AGRN: variants seen among roughly 807,000 people sequenced by gnomAD.
The protein encoded by AGRN is agrin proteoglycan.
In AGRN, 106 loss-of-function variants were observed where a neutral mutation model predicts 211.0. The ratio of observed to expected loss-of-function variants is 0.50; its 90% CI spans 0.43 to 0.59. The LOEUF is 0.59. Ranked by LOEUF, AGRN falls within the 20% of genes least tolerant of loss-of-function variation. The probability of loss-of-function intolerance (pLI) is 0.00; values close to 1 mark genes in which losing one functional copy is unlikely to be tolerated. For missense variants in AGRN, 3,040 were observed against 2,982.6 expected (o/e 1.02, Z -0.45); for synonymous variants, 1,525 against 1,332.5 (o/e 1.14, Z -3.15).
At position 1,020,214 on chromosome 1, in the gene AGRN, G is replaced by A; in HGVS notation, c.42G>A (p.Leu14=). ...RSHPGPLRPL[L]PLLVVAACVL... ...ACCCGGGCCCGCTGCGGCCGCTGCT[G>A]CCGCTCCTTGTGGTGGCCGCGTGCG... Residue 14 remains leucine (L), a synonymous_variant, in exon 1 of 36, where the codon CTG becomes CTA. Coordinates refer to ENST00000379370, the MANE Select transcript of AGRN (RefSeq NM_198576.4). 7.2e-7 allele frequency: 1 copy of A among 1,393,272 alleles called. No homozygotes were observed. Among genetic ancestry groups the A allele is most frequent in the Admixed American group, 3.1e-5 (1 of 32,162 alleles). 86.3% of individuals were successfully genotyped at this position (1,393,272 alleles called of 1,614,324 possible). A position where few individuals can be genotyped will look rare whatever the true frequency, so the allele number is the denominator to read the frequency against.
chr1:1,033,752 C>T (rs1644729678), intron 2 of AGRN, among the ~76,000 whole-genome samples: 2 of 142,292 alleles, frequency 1.4e-5, no homozygotes, highest in East Asian at 2.1e-4. Flanking sequence ...GCCCCAGCCT[C>T]AGCCACCCCA....
At chr1:1,026,554 C>T (rs1159982845) in intron 2 of AGRN, among the ~76,000 whole-genome samples, 11 of 152,276 alleles carry the variant, frequency 7.2e-5, no homozygotes, top group Admixed American at 2.0e-4. Flanking sequence ...AGACGCCCCA[C>T]GCCCAGGGCT....
intron 19 of AGRN, 155 bp downstream of exon 19, chr1:1,047,112 GTC>G (rs773713801): frequency 2.4e-5 from 34 of 1,392,214 alleles, no homozygotes; most frequent in Non-Finnish European, 2.9e-5. Context: ...CGCCTAACCC[GTC>G]TCTCTCGTTG....
In AGRN at chr1:1,047,371, G is replaced by A; in HGVS notation, c.3433G>A (p.Gly1145Ser). The A allele has an allele frequency of 3.1e-6, 5 of 1,610,530 alleles. No individual in the cohort carries two copies. Among genetic ancestry groups the A allele is most frequent in the Non-Finnish European group, 4.2e-6 (5 of 1,178,426 alleles). The change falls in exon 20 of 36, where the codon GGC (glycine) becomes AGC (serine). Residue 1145 changes from glycine (G) to serine (S), a missense_variant. By Grantham distance (56) the Gly-to-Ser change is moderately conservative. Around this residue, in one of 3 missense-constraint regions of AGRN, gnomAD observed 1,537 missense variants for 1,505.0 expected, o/e 1.02. Transcript: ENST00000379370. ...CGTCCTGGAGCTGGAGGGCGTCGAG[G>A]GCCAGGAGCTGTTCTACACGCCCGA... is the stretch of plus-strand genomic sequence containing the variant. ...QGVLELEGVE[G>S]QELFYTPEMA...
At chr1:1,025,587 C>T (rs928654048) in intron 2 of AGRN, among the ~76,000 whole-genome samples, 1 of 152,130 alleles carries the variant, frequency 6.6e-6, no homozygotes, top group Non-Finnish European at 1.5e-5. Flanking sequence ...CTCCTGCCCC[C>T]TCCTGACTCC....
At position 1,051,634 on chromosome 1, in the gene AGRN, A is replaced by C; in HGVS notation, c.5552A>C (p.His1851Pro). Residue 1851 changes from histidine to proline, a missense_variant, in exon 32 of 36, where the codon CAC (histidine) becomes CCC (proline). Physicochemically the swap from His to Pro is moderately conservative, Grantham distance 77. Around this residue, in one of 3 missense-constraint regions of AGRN, gnomAD observed 1,537 missense variants for 1,505.0 expected, o/e 1.02. Transcript: ENST00000379370. The stretch of plus-strand genomic sequence containing the variant: ...TGTCCCGGGGGATTCTCAGGACCGC[A>C]CTGCGAGAAGGGTGAGCCTGGCACA... ...CLCPGGFSGPHCEKGLVEKSA... is the reference protein window; with the variant it reads ...CLCPGGFSGPPCEKGLVEKSA... 2 of 1,611,660 alleles carry C rather than the reference A, an allele frequency of 1.2e-6. No individual in the cohort carries two copies. Among genetic ancestry groups the C allele is most frequent in the Non-Finnish European group, 1.7e-6 (2 of 1,179,118 alleles).
chr1:1,051,639 G>A lies in AGRN; in HGVS notation c.5557G>A (p.Glu1853Lys), dbSNP rs754858398. The A allele has an allele frequency of 3.1e-6, 5 of 1,612,050 alleles. No individual in the cohort carries two copies. The highest frequency in any genetic ancestry group is 1.7e-5 in the Admixed American group (1 of 59,920). ...CPGGFSGPHC[E>K]KGLVEKSAGD... ...CGGGGGATTCTCAGGACCGCACTGC[G>A]AGAAGGGTGAGCCTGGCACAGGGCA... Residue 1853 changes from glutamate (E) to lysine (K), a missense_variant, in exon 32 of 36, where the codon GAG becomes AAG. Coordinates refer to ENST00000379370, the MANE Select transcript of AGRN (RefSeq NM_198576.4).
intron 2 of AGRN, among the ~76,000 whole-genome samples, chr1:1,027,986 G>A (rs1308986482): frequency 1.3e-5 from 2 of 152,196 alleles, no homozygotes; most frequent in Admixed American, 6.5e-5. Context: ...CAGCTGGTGG[G>A]GAGGGGCTGT....
chr1:1,044,298 G>A (rs779951414), intron 11 of AGRN, 36 bp from the exon 12 acceptor site: 23 of 1,611,882 alleles, frequency 1.4e-5, no homozygotes, highest in South Asian at 9.9e-5. Flanking sequence ...CGGCGGGGAC[G>A]GGGCTGCGGC....
rs375378609 is a variant in AGRN at position 1,051,337 on chromosome 1, G to A, written c.5338G>A (p.Val1780Met). 37 of 1,568,910 alleles carry A rather than the reference G, an allele frequency of 2.4e-5. No individual in the cohort carries two copies. The highest frequency in any genetic ancestry group is 8.1e-5 in the African/African-American group (6 of 74,360). ...DFSKLARAAAVSSGFDGAIQL... is the reference protein window; with the variant it reads ...DFSKLARAAAMSSGFDGAIQL... ...CAGCAAGCTGGCCCGTGCTGCTGCC[G>A]TGTCCTCTGGCTTCGACGGTGCCAT... is the stretch of plus-strand genomic sequence containing the variant. The change falls in exon 31 of 36, where the codon GTG becomes ATG. Residue 1780 changes from valine (V) to methionine (M), a missense_variant. Val to Met is a conservative substitution (Grantham distance 21, BLOSUM62 1). Coordinates refer to ENST00000379370, the MANE Select transcript of AGRN (RefSeq NM_198576.4).
chr1:1,044,724 C>T (rs1475185781), intron 12 of AGRN, among the ~76,000 whole-genome samples: 2 of 152,198 alleles, frequency 1.3e-5, no homozygotes, highest in Non-Finnish European at 2.9e-5. Flanking sequence ...TGCATACGTC[C>T]ATCCGGTCGA....
Position 1,043,697 on chromosome 1 carries a change from A to G in AGRN, c.1763A>G (p.Gln588Arg). 1 of 1,600,766 alleles carries G rather than the reference A, an allele frequency of 6.2e-7. No homozygotes were observed. Among genetic ancestry groups the G allele is most frequent in the South Asian group, 1.1e-5 (1 of 91,072 alleles). Residue 588 changes from glutamine to arginine, a missense_variant, in exon 9 of 36, where the codon CAG becomes CGG. Gln to Arg is a conservative substitution (Grantham distance 43). Around this residue, in one of 3 missense-constraint regions of AGRN, gnomAD observed 1,498 missense variants for 1,457.8 expected, o/e 1.03. Transcript: ENST00000379370. ...CTGCACGTGCACGCCTGCACACACC[A>G]GATCAGCCTGCACGTGGCCTCAGCT... ...CMLHVHACTH[Q>R]ISLHVASAGP...
In AGRN at chr1:1,043,989, G is replaced by C. The variant is rs747470189; in HGVS notation, c.1965G>C (p.Gln655His). ...AAGCCGCCTGCCTCCAGCAGACACAGATCGAGGAGGCCCGGGCAGGGCCGT... is the reference window on the plus strand; with the variant it reads ...AAGCCGCCTGCCTCCAGCAGACACACATCGAGGAGGCCCGGGCAGGGCCGT... ...LREAACLQQT[Q>H]IEEARAGPCE... Residue 655 changes from glutamine to histidine, a missense_variant, in exon 10 of 36, where the codon CAG becomes CAC. This residue lies in a region of AGRN where 1,498 missense variants were observed against 1,457.8 expected (regional missense o/e 1.03). Transcript: ENST00000379370. The C allele has an allele frequency of 1.9e-6, 3 of 1,606,720 alleles. No homozygotes were observed. In the South Asian group the frequency reaches 3.3e-5, roughly 18 times the overall value.
Position 1,048,573 on chromosome 1 carries a change from C to A in AGRN, c.4105+208C>A, listed in dbSNP as rs957056928. Reference sequence around the variant, plus strand: ...ATCACCTGAGGTCGGGAGTTCGAGACCAGCCTGACCAACATGGAGACACTC... The same window carrying A: ...ATCACCTGAGGTCGGGAGTTCGAGAACAGCCTGACCAACATGGAGACACTC... On this transcript the variant is annotated intron_variant, in intron 23 of 35. Transcript: ENST00000379370. The surrounding 1 kb of genome is among the most constrained non-coding windows in gnomAD (Gnocchi z 5.9). The A allele has an allele frequency of 1.4e-5, 8 of 591,728 alleles. No homozygotes were observed. In the African/African-American group the frequency reaches 1.5e-4, roughly 11 times the overall value. 36.7% of individuals were successfully genotyped at this position (591,728 alleles called of 1,614,324 possible).
chr1:1,043,116 TC>T lies in AGRN; in HGVS notation c.1385-121del. ...GTGTCTGCTGTGCATCTGGCCCTTC[TC>T]CTGTGTTCTCTCTTCCTCCACCATC... On this transcript the variant is annotated intron_variant, in intron 7 of 35. Coordinates refer to ENST00000379370, the MANE Select transcript of AGRN (RefSeq NM_198576.4). 5 of 1,107,294 alleles carry T rather than the reference TC, an allele frequency of 4.5e-6. No homozygotes were observed. In the Admixed American group the frequency reaches 8.2e-5, roughly 18 times the overall value. 68.6% of individuals were successfully genotyped at this position (1,107,294 alleles called of 1,614,324 possible). A position where few individuals can be genotyped will look rare whatever the true frequency, so the allele number is the denominator to read the frequency against.
chr1:1,042,517 G>A (rs867307775), intron 7 of AGRN, among the ~76,000 whole-genome samples: 9 of 152,176 alleles, frequency 5.9e-5, no homozygotes, highest in Admixed American at 3.9e-4. Context: ...ATGGGCAGCC[G>A]TCGGCCGTTT....
chr1:1,040,041 C>T (rs1331472342), intron 3 of AGRN, among the ~76,000 whole-genome samples: 1 of 152,142 alleles, frequency 6.6e-6, no homozygotes, highest in Non-Finnish European at 1.5e-5. Context: ...GTCAGGGAGG[C>T]GCCAGAGGTG....
At chr1:1,038,452 G>A (rs558030179) in intron 3 of AGRN, among the ~76,000 whole-genome samples, 2 of 152,306 alleles carry the variant, frequency 1.3e-5, no homozygotes, top group African/African-American at 4.8e-5. Context: ...GTCCAGCCCC[G>A]CTCACCCTGG....
Position 1,041,638 on chromosome 1 carries a change from C to A in AGRN, c.1113C>A (p.Gly371=), listed in dbSNP as rs771600667. The change falls in exon 6 of 36, where the codon GGC becomes GGA. Residue 371 remains glycine, a synonymous_variant. Transcript: ENST00000379370. ...GVTYENDCVM[G]RSGAARGLLL... ...CCTACGAAAACGACTGTGTCATGGGCCGATCGGGGGCCGCCCGGGGTCTCC... is the reference window on the plus strand; with the variant it reads ...CCTACGAAAACGACTGTGTCATGGGACGATCGGGGGCCGCCCGGGGTCTCC... 3 of 1,611,144 alleles carry A rather than the reference C, an allele frequency of 1.9e-6. No homozygotes were observed. Among genetic ancestry groups the A allele is most frequent in the African/African-American group, 2.7e-5 (2 of 74,856 alleles).
Sources: allele counts gnomAD v4.1 joint callset (sites outside exome capture counted in the v4.1 genomes callset), GRCh38; gene constraint gnomAD v4.1.1; regional missense constraint gnomAD v4.1.1; non-coding constraint Gnocchi (gnomAD v3.1); transcripts MANE v1.5; gene names NCBI Gene and HGNC (gene_info 2026-07-23, HGNC 2026-07-21).